TAP1: variants seen among roughly 807,000 people sequenced by gnomAD.
TAP1 encodes antigen peptide transporter 1.
TAP1 carries 56 observed loss-of-function variants against 79.3 expected under a neutral mutation model. The ratio of observed to expected loss-of-function variants is 0.71; its 90% CI spans 0.57 to 0.88. The LOEUF is 0.88. TAP1 is among the 40% of genes least tolerant of loss of function. The pLI is 0.00. For synonymous variants in TAP1, 355 were observed against 401.4 expected, an observed-to-expected ratio of 0.88 and a Z score of 1.38; for missense variants, 737 against 936.3, an observed-to-expected ratio of 0.79 and a Z score of 2.78.
rs1229649183 is a variant in TAP1 at position 32,852,490 on chromosome 6, A to C, written c.611T>G (p.Ile204Ser). Residue 204 changes from isoleucine (I) to serine (S), a missense_variant, in exon 2 of 11, where the codon ATT becomes AGT. Transcript: ENST00000354258. This position sits in a 1 kb window ranked among gnomAD's most constrained non-coding sequence, Gnocchi z 4.8. ...VVLSSLGEMA[I>S]PFFTGRLTDW... ...AGTGAGGCGGCCCGTAAAGAATGGAATGGCCATCTCCCCTGGAGAAAGAGA... is the reference window on the plus strand; with the variant it reads ...AGTGAGGCGGCCCGTAAAGAATGGACTGGCCATCTCCCCTGGAGAAAGAGA... 8.1e-6 allele frequency: 13 copies of C among 1,613,060 alleles called. No individual in the cohort carries two copies. Among genetic ancestry groups the C allele is most frequent in the Non-Finnish European group, 1.1e-5 (13 of 1,180,024 alleles).
At position 32,850,635 on chromosome 6, in the gene TAP1, G is replaced by A; in HGVS notation, c.1051-118C>T. On this transcript the variant is annotated intron_variant, in intron 4 of 10. Coordinates refer to ENST00000354258, the MANE Select transcript of TAP1 (RefSeq NM_000593.6). This position sits in a 1 kb window ranked among gnomAD's most constrained non-coding sequence, Gnocchi z 5.5. ...AGAGACAGAGGAAAAGGAGAAAAGAGAAAGAGACACAGCTATGCCCCTTGG... is the reference window on the plus strand; with the variant it reads ...AGAGACAGAGGAAAAGGAGAAAAGAAAAAGAGACACAGCTATGCCCCTTGG... 2 of 938,254 alleles carry A rather than the reference G, an allele frequency of 2.1e-6. No homozygotes were observed. The highest frequency in any genetic ancestry group is 3.3e-6 in the Non-Finnish European group (2 of 598,912). 58.1% of individuals were successfully genotyped at this position (938,254 alleles called of 1,614,324 possible).
chr6:32,848,205 T>C (rs59654450), intron 7 of TAP1, 113 bp from the exon 8 acceptor site: 42,426 of 1,349,820 alleles, frequency 0.031, 812 homozygotes, highest in South Asian at 0.061. Context: ...CAGGGAAATA[T>C]AGAAACTCCT....
In TAP1 at chr6:32,850,558, A is replaced by C. The variant is rs1049234377; in HGVS notation, c.1051-41T>G. The stretch of plus-strand genomic sequence containing the variant: ...CAAGAGATGTCACACGGGTTGGCAA[A>C]CCATCAGGGACACTAATACCTGAGT... On this transcript the variant is annotated intron_variant, in intron 4 of 10. Coordinates refer to ENST00000354258, the MANE Select transcript of TAP1 (RefSeq NM_000593.6). This position sits in a 1 kb window ranked among gnomAD's most constrained non-coding sequence, Gnocchi z 5.5. 1.9e-6 allele frequency: 3 copies of C among 1,560,632 alleles called. No homozygotes were observed. The East Asian group carries it at 6.7e-5, about 35-fold the overall frequency.
In TAP1 at chr6:32,848,683, T is replaced by C. The variant is rs1290198274; in HGVS notation, c.1535A>G (p.Tyr512Cys). 11 of 1,613,850 alleles carry C rather than the reference T, an allele frequency of 6.8e-6. No individual in the cohort carries two copies. The highest frequency in any genetic ancestry group is 8.5e-6 in the Non-Finnish European group (10 of 1,180,008). The change falls in exon 7 of 11, where the codon TAC (tyrosine) becomes TGC (cysteine). Residue 512 changes from tyrosine to cysteine, a missense_variant. Physicochemically the swap from Tyr to Cys is radical, Grantham distance 194. Around this residue, in one of 5 missense-constraint regions of TAP1, gnomAD observed 266 missense variants for 332.4 expected, o/e 0.80. Transcript: ENST00000354258. ...CACTAAGACATCTGGGCGGTTTGGGTAGGCAAAGGAGACATCTTGGAACTG... is the reference window on the plus strand; with the variant it reads ...CACTAAGACATCTGGGCGGTTTGGGCAGGCAAAGGAGACATCTTGGAACTG... ...LVQFQDVSFA[Y>C]PNRPDVLVLQ...
In TAP1 at chr6:32,852,920, G is replaced by C; in HGVS notation, c.598+119C>G. ...AGTGGTGTTCCAAGACCCACGCTAGGAGTCCTTCTCCTGCTCCACATTTCC... is the reference window on the plus strand; with the variant it reads ...AGTGGTGTTCCAAGACCCACGCTAGCAGTCCTTCTCCTGCTCCACATTTCC... On this transcript the variant is annotated intron_variant, in intron 1 of 10. Transcript: ENST00000354258. The surrounding 1 kb of genome is among the most constrained non-coding windows in gnomAD (Gnocchi z 4.8). 3 of 1,481,854 alleles carry C rather than the reference G, an allele frequency of 2.0e-6. No individual in the cohort carries two copies. The highest frequency in any genetic ancestry group is 2.7e-6 in the Non-Finnish European group (3 of 1,114,882). 91.8% of individuals were successfully genotyped at this position (1,481,854 alleles called of 1,614,324 possible). A position where few individuals can be genotyped will look rare whatever the true frequency, so the allele number is the denominator to read the frequency against.
chr6:32,846,781 C>A (rs927861988), intron 10 of TAP1, among the ~76,000 whole-genome samples: 1 of 150,696 alleles, frequency 6.6e-6, no homozygotes, highest in Non-Finnish European at 1.5e-5. Context: ...TGTGCCACTG[C>A]GCTCCAGCCT....
At chr6:32,848,356 A>T (rs1770574577) in intron 7 of TAP1, 2 of 619,930 alleles carry the variant, frequency 3.2e-6, no homozygotes, top group African/African-American at 1.8e-5. Context: ...GAAAAATCAC[A>T]TTCCAAATTA....
chr6:32,848,439 T>C (rs77287921), intron 7 of TAP1, among the ~76,000 whole-genome samples: 2,880 of 152,342 alleles, frequency 0.019, 87 homozygotes, highest in African/African-American at 0.062. Flanking sequence ...GTGAGAGCAC[T>C]CTCTTCGAAA....
chr6:32,850,455 C>G lies in TAP1; in HGVS notation c.1113G>C (p.Leu371=). 6.2e-7 allele frequency: 1 copy of G among 1,614,202 alleles called. No homozygotes were observed. Among genetic ancestry groups the G allele is most frequent in the Non-Finnish European group, 8.5e-7 (1 of 1,180,044 alleles). ...AKSSQVAIEA[L]SAMPTVRSFA... is the part of the protein sequence containing the mutation. ...AGCTTCGAACTGTAGGCATGGCCGA[C>G]AGAGCCTCAATGGCCACCTGGCTGG... The change falls in exon 5 of 11, where the codon CTG becomes CTC. Residue 371 remains leucine, a synonymous_variant. Coordinates refer to ENST00000354258, the MANE Select transcript of TAP1 (RefSeq NM_000593.6). The surrounding 1 kb of genome is among the most constrained non-coding windows in gnomAD (Gnocchi z 5.5).
chr6:32,848,038 CA>C lies in TAP1; in HGVS notation c.1620del (p.Asn540LysfsTer64). 4 of 1,613,082 alleles carry C rather than the reference CA, an allele frequency of 2.5e-6. No homozygotes were observed. The highest frequency in any genetic ancestry group is 3.4e-6 in the Non-Finnish European group (4 of 1,180,010). On this transcript the variant is annotated frameshift_variant, in exon 8 of 11. Coordinates refer to ENST00000354258, the MANE Select transcript of TAP1 (RefSeq NM_000593.6). LOFTEE classifies it high-confidence loss of function. ...GCAGCCACTGTGCTCTTCCCAGACC[CA>C]TTGGGTCCCACCAGCGCCGTCACCT... ...PGEVTALVGP[N>X]GSGKSTVAAL...
In TAP1 at chr6:32,850,190, G is replaced by A; in HGVS notation, c.1248+130C>T. ...ACTGAGTAGAGTCATTGAGCCTCAG[G>A]TTGCTAGGACGAAAATACTGAACCA... On this transcript the variant is annotated intron_variant, in intron 5 of 10. Transcript: ENST00000354258. The surrounding 1 kb of genome is among the most constrained non-coding windows in gnomAD (Gnocchi z 5.5). 1.0e-6 allele frequency: 1 copy of A among 959,514 alleles called. No homozygotes were observed. Among genetic ancestry groups the A allele is most frequent in the Non-Finnish European group, 1.6e-6 (1 of 606,870 alleles). 59.4% of individuals were successfully genotyped at this position (959,514 alleles called of 1,614,324 possible).
chr6:32,848,522 G>T, intron 7 of TAP1, 130 bp downstream of exon 7: 1 of 1,034,764 alleles, frequency 9.7e-7, no homozygotes, highest in East Asian at 2.4e-5. Flanking sequence ...AACAGATGAT[G>T]CCTACCATTG....
Position 32,847,156 on chromosome 6 carries a change from A to G in TAP1, c.1952T>C (p.Val651Ala). 6.2e-7 allele frequency: 1 copy of G among 1,612,862 alleles called. No homozygotes were observed. The highest frequency in any genetic ancestry group is 8.5e-7 in the Non-Finnish European group (1 of 1,180,046). ...SQLSGGQRQA[V>A]ALARALIRKP... ...CCGGATCAATGCTCGGGCCAACGCCACTGCCTGTCGCTGACCCCCTGACAG... is the reference window on the plus strand; with the variant it reads ...CCGGATCAATGCTCGGGCCAACGCCGCTGCCTGTCGCTGACCCCCTGACAG... Residue 651 changes from valine to alanine, a missense_variant, in exon 10 of 11, where the codon GTG (valine) becomes GCG (alanine). By Grantham distance (64) the Val-to-Ala change is moderately conservative. Around this residue, in one of 5 missense-constraint regions of TAP1, gnomAD observed 266 missense variants for 332.4 expected, o/e 0.80. Transcript: ENST00000354258. This position sits in a 1 kb window ranked among gnomAD's most constrained non-coding sequence, Gnocchi z 4.7.
In TAP1 at chr6:32,853,555, G is replaced by A. The variant is rs1770949742; in HGVS notation, c.82C>T (p.Leu28=). ...ASLAWLGTVL[L]LLADWVLLRT... ...AGCAGCACCCAGTCGGCGAGAAGTA[G>A]CAGTACTGTCCCCAGCCATGCGAGA... Residue 28 remains leucine, a synonymous_variant, in exon 1 of 11, where the codon CTA becomes TTA. Transcript: ENST00000354258. This position sits in a 1 kb window ranked among gnomAD's most constrained non-coding sequence, Gnocchi z 8.3. The A allele has an allele frequency of 2.5e-6, 4 of 1,611,790 alleles. No individual in the cohort carries two copies. Among genetic ancestry groups the A allele is most frequent in the Admixed American group, 1.7e-5 (1 of 59,966 alleles).
At chr6:32,848,482 T>G (rs1182338747) in intron 7 of TAP1, among the ~76,000 whole-genome samples, 170 bp downstream of exon 7, 1 of 152,240 alleles carries the variant, frequency 6.6e-6, no homozygotes, top group Non-Finnish European at 1.5e-5. Flanking sequence ...AAGCCCAAAC[T>G]GGGTTCTTGA....
At chr6:32,848,184 C>T (rs900617767) in intron 7 of TAP1, 92 bp from the exon 8 acceptor site, 1 of 1,489,996 alleles carries the variant, frequency 6.7e-7, no homozygotes, top group African/African-American at 1.4e-5. Flanking sequence ...TGTCTTACCC[C>T]AGAAGAAAAA....
At position 32,853,258 on chromosome 6, in the gene TAP1, T is replaced by C; in HGVS notation, c.379A>G (p.Ser127Gly). Residue 127 changes from serine to glycine, a missense_variant, in exon 1 of 11, where the codon AGC (serine) becomes GGC (glycine). Ser to Gly is a moderately conservative substitution (Grantham distance 56). Transcript: ENST00000354258. This position sits in a 1 kb window ranked among gnomAD's most constrained non-coding sequence, Gnocchi z 8.3. ...CTTCCCCAGTGCAGTAGCCTGGTGC[T>C]ATCCGCGGACCCGGGGGCTCCCCAT... ...ISWGAPGSADSTRLLHWGSHP... is the reference protein window; with the variant it reads ...ISWGAPGSADGTRLLHWGSHP... The C allele has an allele frequency of 6.3e-7, 1 of 1,598,088 alleles. No individual in the cohort carries two copies. The highest frequency in any genetic ancestry group is 8.5e-7 in the Non-Finnish European group (1 of 1,172,024).
rs1770523183 is a variant in TAP1 at position 32,847,707 on chromosome 6, C to T, written c.1741-32G>A. On this transcript the variant is annotated intron_variant, in intron 8 of 10. Transcript: ENST00000354258. This position sits in a 1 kb window ranked among gnomAD's most constrained non-coding sequence, Gnocchi z 4.7. ...TGAAATATGATGAAGAGTCATAGAACAAGGCACATGGGAGTATGGTTATCT... is the reference window on the plus strand; with the variant it reads ...TGAAATATGATGAAGAGTCATAGAATAAGGCACATGGGAGTATGGTTATCT... The T allele has an allele frequency of 6.2e-7, 1 of 1,612,008 alleles. No homozygotes were observed. The highest frequency in any genetic ancestry group is 8.5e-7 in the Non-Finnish European group (1 of 1,178,944).
chr6:32,852,797 C>T lies in TAP1; in HGVS notation c.598+242G>A. ...CCTTCGGCCCCAGAGCAAAGGATTT[C>T]CCCGCTTCCGGCGTGGCCCAAAGAA... On this transcript the variant is annotated intron_variant, in intron 1 of 10. Transcript: ENST00000354258. This position sits in a 1 kb window ranked among gnomAD's most constrained non-coding sequence, Gnocchi z 4.8. 1 of 1,440,322 alleles carries T rather than the reference C, an allele frequency of 6.9e-7. No individual in the cohort carries two copies. Among genetic ancestry groups the T allele is most frequent in the Non-Finnish European group, 9.0e-7 (1 of 1,105,296 alleles). The allele number at this position is 1,440,322 out of a possible 1,614,324, so 89.2% of individuals were successfully genotyped here. A position where few individuals can be genotyped will look rare whatever the true frequency, so the allele number is the denominator to read the frequency against.
Sources: gnomAD v4.1 joint callset for allele counts (sites outside exome capture counted in the v4.1 genomes callset) on GRCh38, gnomAD v4.1.1 for gene constraint, gnomAD v4.1.1 regional missense constraint, Gnocchi (gnomAD v3.1) non-coding constraint, MANE v1.5 for transcripts, NCBI Gene and HGNC (gene_info 2026-07-23, HGNC 2026-07-21) for gene names.